Variants in ELMO1 observed in about 807,000 individuals in gnomAD.
The protein encoded by ELMO1 is engulfment and cell motility protein 1.
ELMO1 carries 26 observed loss-of-function variants against 98.9 expected under a neutral mutation model. That is an observed-to-expected ratio of 0.26 (90% CI 0.19 to 0.36). ELMO1 has a LOEUF of 0.36. Ranked by LOEUF, ELMO1 falls within the 10% of genes least tolerant of loss-of-function variation. The pLI is 1.00. For synonymous variants in ELMO1, 346 were observed against 346.0 expected, an observed-to-expected ratio of 1.00 and a Z score of 0.00; for missense variants, 627 against 935.2, an observed-to-expected ratio of 0.67 and a Z score of 4.30.
intron 17 of ELMO1, among the ~76,000 whole-genome samples, chr7:36,893,596 T>C (rs1256254664): frequency 6.6e-6 from 1 of 152,230 alleles, no homozygotes; most frequent in Non-Finnish European, 1.5e-5. Context: ...TGCTTAGCTA[T>C]TGTCCTTTTA....
intron 16 of ELMO1, among the ~76,000 whole-genome samples, chr7:36,981,260 ATCATTAGGAGACTAAGACTAGATGCC>A (rs1299775946): frequency 6.6e-6 from 1 of 151,180 alleles, no homozygotes; most frequent in Non-Finnish European, 1.5e-5. Flanking sequence ...AACTGGGGAC[ATCATTAGGAGACTAAGACTAGATGCC>A]TCTAGGAAGG....
intron 14 of ELMO1, among the ~76,000 whole-genome samples, chr7:37,099,367 C>T (rs1327697032): frequency 6.6e-6 from 1 of 152,182 alleles, no homozygotes; most frequent in African/African-American, 2.4e-5. Context: ...TGGACAATAG[C>T]TTTTATTTAA....
chr7:37,135,297 A>G lies in ELMO1; in HGVS notation c.1087-2063T>C, dbSNP rs981546541. Among the ~76,000 whole-genome samples, 9 of 152,324 alleles carry G rather than the reference A, an allele frequency of 5.9e-5. No homozygotes were observed. The South Asian group carries it at 1.9e-3, about 32-fold the overall frequency. On this transcript the variant is annotated intron_variant, in intron 13 of 21. Transcript: ENST00000310758. ...TTGCAGCTTCCATTTGGAAGGATAG[A>G]GTAGCATGTGGAGACTTACATCATG...
chr7:36,954,224 C>T (rs1271267885), intron 16 of ELMO1, among the ~76,000 whole-genome samples: 1 of 152,140 alleles, frequency 6.6e-6, no homozygotes, highest in Non-Finnish European at 1.5e-5. Context: ...CCAGGTGCAC[C>T]TTCCTCATTC....
At chr7:37,166,045 C>A (rs547509781) in intron 13 of ELMO1, among the ~76,000 whole-genome samples, 1 of 152,322 alleles carries the variant, frequency 6.6e-6, no homozygotes, top group South Asian at 2.1e-4. Context: ...AGAGATTCAA[C>A]TTCTTCCTGG....
chr7:37,257,298 A>G (rs1322044920), intron 6 of ELMO1, among the ~76,000 whole-genome samples: 3 of 152,160 alleles, frequency 2.0e-5, no homozygotes, highest in Non-Finnish European at 4.4e-5. Flanking sequence ...CTGAGATTTA[A>G]TGGGTTCCAG....
intron 13 of ELMO1, among the ~76,000 whole-genome samples, chr7:37,167,541 C>CA (rs1403741941): frequency 6.7e-5 from 10 of 150,022 alleles, no homozygotes; most frequent in Non-Finnish European, 1.0e-4. Context: ...CTGGTGGTGA[C>CA]AAAATCTCTC....
intron 13 of ELMO1, among the ~76,000 whole-genome samples, chr7:37,154,368 G>A (rs148177559): frequency 0.052 from 7,929 of 151,884 alleles, 445 homozygotes; most frequent in African/African-American, 0.14. Context: ...AAACTTCTCC[G>A]AGCTAAAGGA....
intron 13 of ELMO1, among the ~76,000 whole-genome samples, chr7:37,191,779 A>T (rs1791598574): frequency 6.6e-6 from 1 of 152,060 alleles, no homozygotes; most frequent in African/African-American, 2.4e-5. Context: ...TTAGCTGGGC[A>T]TGGTGGCACG....
At chr7:36,877,551 C>G (rs1325708799) in intron 19 of ELMO1, among the ~76,000 whole-genome samples, 1 of 152,188 alleles carries the variant, frequency 6.6e-6, no homozygotes, top group Non-Finnish European at 1.5e-5. Context: ...TTGAGGTAAA[C>G]TAGCTATATT....
chr7:37,154,668 A>G (rs1788605841), intron 13 of ELMO1, among the ~76,000 whole-genome samples: 1 of 152,364 alleles, frequency 6.6e-6, no homozygotes, highest in African/African-American at 2.4e-5. Flanking sequence ...ACTATGTGAA[A>G]GACCAAATCT....
intron 14 of ELMO1, among the ~76,000 whole-genome samples, chr7:37,100,065 C>A (rs868532488): frequency 6.7e-6 from 1 of 150,368 alleles, no homozygotes; most frequent in Non-Finnish European, 1.5e-5. Context: ...GAACTCCAGA[C>A]CTCAGGTGAT....
At chr7:36,873,724 A>T (rs915056794) in intron 19 of ELMO1, among the ~76,000 whole-genome samples, 2 of 152,198 alleles carry the variant, frequency 1.3e-5, no homozygotes, top group East Asian at 1.9e-4. Flanking sequence ...CACAGCCCCA[A>T]ATGTGGTTAT....
intron 16 of ELMO1, among the ~76,000 whole-genome samples, chr7:36,965,127 T>A (rs1584446767): frequency 6.6e-6 from 1 of 152,140 alleles, no homozygotes; most frequent in Non-Finnish European, 1.5e-5. Context: ...CCTGGTTTCT[T>A]CCACAGGCCT....
intron 13 of ELMO1, among the ~76,000 whole-genome samples, chr7:37,199,139 A>C (rs1792142137): frequency 6.6e-6 from 1 of 152,240 alleles, no homozygotes; most frequent in African/African-American, 2.4e-5. Context: ...AGTTTGGAAA[A>C]ACAGGACTGG....
chr7:37,235,744 C>G (rs924088568), intron 7 of ELMO1, among the ~76,000 whole-genome samples: 8 of 152,208 alleles, frequency 5.3e-5, no homozygotes, highest in African/African-American at 1.9e-4. Flanking sequence ...AGCAGCCTGG[C>G]CAACGTGGTG....
In ELMO1 at chr7:37,391,006, C is replaced by CCCTTCCTTCCTTCCTT. The variant is rs56315543; in HGVS notation, c.-73-48259_-73-48244dup. Among the ~76,000 whole-genome samples, 153 of 130,150 alleles carry CCCTTCCTTCCTTCCTT rather than the reference C, an allele frequency of 1.2e-3. 1 individual carries two copies. Among genetic ancestry groups the CCCTTCCTTCCTTCCTT allele is most frequent in the South Asian group, 3.3e-3 (12 of 3,656 alleles). The allele number at this position is 130,150 out of a possible 152,430, so 85.4% of individuals were successfully genotyped here. On this transcript the variant is annotated intron_variant, in intron 1 of 21. Transcript: ENST00000310758. ...ATCAGGTATATTCTGGGAAAGTAGT[C>CCCTTCCTTCCTTCCTT]CCTTCCTTCCTTCCTTCCTTCCTTC...
At chr7:37,236,159 A>G (rs1003259273) in intron 7 of ELMO1, among the ~76,000 whole-genome samples, 7 of 152,242 alleles carry the variant, frequency 4.6e-5, no homozygotes, top group African/African-American at 1.7e-4. Context: ...CATCTGGTAC[A>G]GTCAATCGTC....
At chr7:37,331,200 C>T (rs768254151) in intron 2 of ELMO1, among the ~76,000 whole-genome samples, 12 of 150,166 alleles carry the variant, frequency 8.0e-5, no homozygotes, top group Admixed American at 2.6e-4. Flanking sequence ...GACACAGTCT[C>T]GCTCTGTCGC....
Sources: allele counts gnomAD v4.1 joint callset (sites outside exome capture counted in the v4.1 genomes callset), GRCh38; gene constraint gnomAD v4.1.1; transcripts MANE v1.5; gene names NCBI Gene and HGNC (gene_info 2026-07-23, HGNC 2026-07-21).